Variants in LSAMP observed in about 807,000 individuals in gnomAD.
The protein encoded by LSAMP is limbic system-associated membrane protein.
Under a neutral mutation model 38.6 loss-of-function variants are expected in LSAMP, and 7 were observed. The ratio of observed to expected loss-of-function variants is 0.18; its 90% CI spans 0.10 to 0.34. The LOEUF is 0.34. LSAMP is among the 10% of genes least tolerant of loss of function. The probability of loss-of-function intolerance (pLI) is 1.00; values close to 1 mark genes in which losing one functional copy is unlikely to be tolerated. For synonymous variants in LSAMP, 154 were observed against 166.8 expected (o/e 0.92, Z 0.59); for missense variants, 313 against 420.0 (o/e 0.75, Z 2.23).
chr3:116,048,234 C>T (rs755790235), intron 2 of LSAMP, among the ~76,000 whole-genome samples: 14 of 152,194 alleles, frequency 9.2e-5, no homozygotes, highest in Admixed American at 2.6e-4. Context: ...TGTTTCACTT[C>T]ATAAAGTTAA....
At chr3:116,345,416 A>G (rs1001090045) in intron 1 of LSAMP, among the ~76,000 whole-genome samples, 42 of 152,106 alleles carry the variant, frequency 2.8e-4, no homozygotes, top group Non-Finnish European at 5.9e-4. Flanking sequence ...GAGGAACTAG[A>G]TATCGGCCCT....
intron 1 of LSAMP, among the ~76,000 whole-genome samples, chr3:116,088,844 T>C (rs566536411): frequency 1.3e-5 from 2 of 152,330 alleles, no homozygotes; most frequent in African/African-American, 4.8e-5. Context: ...AATTTTTACC[T>C]TATTCATTTG....
chr3:115,933,379 A>T (rs9289029), intron 3 of LSAMP, among the ~76,000 whole-genome samples: 57,163 of 151,982 alleles, frequency 0.38, 11,978 homozygotes, highest in South Asian at 0.62. Context: ...GGGTTGAGAG[A>T]TGTTACAGAG....
chr3:116,208,216 T>C (rs1206538759), intron 1 of LSAMP, among the ~76,000 whole-genome samples: 1 of 152,034 alleles, frequency 6.6e-6, no homozygotes, highest in African/African-American at 2.4e-5. Flanking sequence ...TTCTGCATTC[T>C]TCACGTAGTT....
At chr3:116,252,839 A>C (rs2046701952) in intron 1 of LSAMP, among the ~76,000 whole-genome samples, 1 of 152,214 alleles carries the variant, frequency 6.6e-6, no homozygotes, top group South Asian at 2.1e-4. Flanking sequence ...CAGCCTCCAG[A>C]AAGTCCAACT....
chr3:116,319,490 G>A (rs992501106), intron 1 of LSAMP, among the ~76,000 whole-genome samples: 6 of 151,982 alleles, frequency 3.9e-5, no homozygotes, highest in Admixed American at 2.6e-4. Flanking sequence ...CACTTAGAGG[G>A]GCTTTAGTCA....
At position 116,377,403 on chromosome 3, in the gene LSAMP, C is replaced by T. The variant is rs537337974; in HGVS notation, c.155+67474G>A. Among the ~76,000 whole-genome samples, 303 of 152,198 alleles carry T rather than the reference C, an allele frequency of 2.0e-3. 2 individuals carry two copies. The highest frequency in any genetic ancestry group is 3.5e-3 in the Non-Finnish European group (240 of 67,992). ...GCTCCATACATGACCCTGCAAAGGA[C>T]ATAATCTCATTCCTTTTTATGGCAG... On this transcript the variant is annotated intron_variant, in intron 1 of 6. Transcript: ENST00000490035.
intron 1 of LSAMP, among the ~76,000 whole-genome samples, chr3:116,261,938 C>A (rs1413322321): frequency 1.3e-5 from 2 of 150,500 alleles, no homozygotes; most frequent in East Asian, 1.9e-4. Context: ...GCATTCACAT[C>A]TTTTTCTAAA....
At chr3:116,248,691 C>A (rs1432647956) in intron 1 of LSAMP, among the ~76,000 whole-genome samples, 1 of 152,084 alleles carries the variant, frequency 6.6e-6, no homozygotes, top group Non-Finnish European at 1.5e-5. Flanking sequence ...AACATTTTGG[C>A]CTTCATCTCT....
At chr3:116,063,089 TTG>T (rs573311843) in intron 2 of LSAMP, among the ~76,000 whole-genome samples, 6 of 151,318 alleles carry the variant, frequency 4.0e-5, no homozygotes, top group Admixed American at 1.3e-4. Flanking sequence ...TACATACATA[TTG>T]TGTGTGTGTG....
At chr3:116,426,773 C>T (rs551531923) in intron 1 of LSAMP, among the ~76,000 whole-genome samples, 1 of 152,232 alleles carries the variant, frequency 6.6e-6, no homozygotes, top group African/African-American at 2.4e-5. Flanking sequence ...TTTCCTAACT[C>T]TGTAACAACA....
At chr3:116,158,671 T>C (rs1342973858) in intron 1 of LSAMP, among the ~76,000 whole-genome samples, 1 of 151,966 alleles carries the variant, frequency 6.6e-6, no homozygotes, top group African/African-American at 2.4e-5. Context: ...CAACAACAAT[T>C]ACAAAGCACA....
intron 1 of LSAMP, among the ~76,000 whole-genome samples, chr3:116,117,426 C>A (rs995584383): frequency 7.9e-5 from 12 of 152,230 alleles, no homozygotes; most frequent in African/African-American, 2.9e-4. Context: ...CAATTTCTCC[C>A]TATTATTAGC....
chr3:116,372,582 T>C (rs2048443778), intron 1 of LSAMP, among the ~76,000 whole-genome samples: 1 of 151,886 alleles, frequency 6.6e-6, no homozygotes, highest in Non-Finnish European at 1.5e-5. Context: ...ATAAAAGTTT[T>C]TACAAATGGC....
chr3:115,894,643 C>T (rs1310233093), intron 3 of LSAMP, among the ~76,000 whole-genome samples: 1 of 152,046 alleles, frequency 6.6e-6, no homozygotes, highest in Non-Finnish European at 1.5e-5. Flanking sequence ...ATGAAAACCA[C>T]TGATAACATA....
intron 1 of LSAMP, among the ~76,000 whole-genome samples, chr3:116,426,068 G>A (rs993960654): frequency 2.0e-5 from 3 of 152,080 alleles, no homozygotes; most frequent in Admixed American, 6.5e-5. Context: ...AAAAGAAACA[G>A]ATGAAAAGGT....
intron 1 of LSAMP, among the ~76,000 whole-genome samples, chr3:116,115,474 T>A (rs960057914): frequency 4.6e-5 from 7 of 152,250 alleles, no homozygotes; most frequent in African/African-American, 1.4e-4. Flanking sequence ...TACATCTGCA[T>A]AGGGCTATAA....
chr3:115,987,096 A>G (rs1349092832), intron 3 of LSAMP, among the ~76,000 whole-genome samples: 1 of 152,176 alleles, frequency 6.6e-6, no homozygotes, highest in Non-Finnish European at 1.5e-5. Flanking sequence ...TGAAAAAGGA[A>G]GTATATGGCT....
chr3:116,165,424 C>A (rs1710025493), intron 1 of LSAMP, among the ~76,000 whole-genome samples: 1 of 152,114 alleles, frequency 6.6e-6, no homozygotes, highest in Non-Finnish European at 1.5e-5. Flanking sequence ...GCCCTCCAGA[C>A]CCCCCACCTA....
Sources: allele counts gnomAD v4.1 joint callset (sites outside exome capture counted in the v4.1 genomes callset), GRCh38; gene constraint gnomAD v4.1.1; transcripts MANE v1.5; gene names NCBI Gene and HGNC (gene_info 2026-07-23, HGNC 2026-07-21).